Variants in MYT1 observed in about 807,000 individuals in gnomAD.
MYT1 encodes myelin transcription factor I.
In MYT1, 23 loss-of-function variants were observed where a neutral mutation model predicts 123.0. The observed-to-expected ratio is 0.19, with a 90% CI of 0.13 to 0.26. The LOEUF (loss-of-function observed/expected upper bound fraction) is 0.26. Among genes scored for constraint, MYT1 ranks in the 10% least tolerant of loss-of-function variants. MYT1 has a pLI of 1.00. For synonymous variants in MYT1, 518 were observed against 575.3 expected (o/e 0.90, Z 1.43); for missense variants, 1,125 against 1,472.5 (o/e 0.76, Z 3.86).
At chr20:64,228,983 A>C (rs997859680) in intron 18 of MYT1, among the ~76,000 whole-genome samples, 3 of 152,204 alleles carry the variant, frequency 2.0e-5, no homozygotes, top group Admixed American at 2.0e-4. Flanking sequence ...GGGAGGGGCA[A>C]CTTGGCCTGA....
intron 2 of MYT1, among the ~76,000 whole-genome samples, chr20:64,197,180 C>G (rs11699630): frequency 0.1 from 15,436 of 152,320 alleles, 1,029 homozygotes; most frequent in South Asian, 0.18. Flanking sequence ...GCTCCACAGC[C>G]TGGAGTCGGC....
Position 64,195,482 on chromosome 20 carries a change from A to G in MYT1, c.1-3380A>G, listed in dbSNP as rs548447334. Among the ~76,000 whole-genome samples, 9 of 136,718 alleles carry G rather than the reference A, an allele frequency of 6.6e-5. No homozygotes were observed. The East Asian group carries it at 1.8e-3, about 27-fold the overall frequency. 89.7% of individuals were successfully genotyped at this position (136,718 alleles called of 152,430 possible). A position where few individuals can be genotyped will look rare whatever the true frequency, so the allele number is the denominator to read the frequency against. The stretch of plus-strand genomic sequence containing the variant: ...GCAATCTCAGCTCACTGCAACCTCC[A>G]CCTCCTGGGTTCAAGTGATCCTCCT... On this transcript the variant is annotated intron_variant, in intron 2 of 22. Transcript: ENST00000328439.
intron 2 of MYT1, among the ~76,000 whole-genome samples, chr20:64,195,039 G>A (rs914052098): frequency 8.6e-5 from 13 of 152,046 alleles, no homozygotes; most frequent in Non-Finnish European, 1.9e-4. Context: ...GGGACTACAG[G>A]CGGCCGCCAC....
rs549497083 is a variant in MYT1 at position 64,203,448 on chromosome 20, C to T, written c.87-1587C>T. On this transcript the variant is annotated intron_variant, in intron 4 of 22. Coordinates refer to ENST00000328439, the MANE Select transcript of MYT1 (RefSeq NM_004535.3). This position sits in a 1 kb window ranked among gnomAD's most constrained non-coding sequence, Gnocchi z 5.1. ...AGGTGGGTGGCAGCGGCGGCAACTC[C>T]CTCAGTTTGGAAAGGGAGCCCCCAG... 6.6e-6 allele frequency among the ~76,000 whole-genome samples: 1 copy of T among 152,228 alleles called. No individual in the cohort carries two copies. The highest frequency in any genetic ancestry group is 2.4e-5 in the African/African-American group (1 of 41,520).
chr20:64,236,096 C>A (rs33999583), intron 19 of MYT1, among the ~76,000 whole-genome samples: 3 of 20,818 alleles, frequency 1.4e-4, no homozygotes, highest in African/African-American at 9.8e-4. Flanking sequence ...CCTGGGATGG[C>A]CGTGGTGGGT....
chr20:64,170,604 A>C (rs1982222885), intron 1 of MYT1, among the ~76,000 whole-genome samples: 1 of 151,960 alleles, frequency 6.6e-6, no homozygotes, highest in South Asian at 2.1e-4. Context: ...AAGTCCGCCT[A>C]GATAAAATGT....
intron 19 of MYT1, among the ~76,000 whole-genome samples, chr20:64,236,079 G>C (rs35828584): frequency 0.081 from 2,362 of 29,040 alleles, 341 homozygotes; most frequent in African/African-American, 0.27. Context: ...TGGCCGTGGT[G>C]GGTGACCCTG....
intron 1 of MYT1, among the ~76,000 whole-genome samples, chr20:64,188,778 G>C (rs1484035852): frequency 6.6e-6 from 1 of 152,340 alleles, no homozygotes; most frequent in African/African-American, 2.4e-5. Flanking sequence ...TTGGGTGATA[G>C]GGAAGCTCCC....
At chr20:64,205,880 G>T in intron 6 of MYT1, 80 bp downstream of exon 6, 1 of 1,560,992 alleles carries the variant, frequency 6.4e-7, no homozygotes, top group South Asian at 1.2e-5. Context: ...GCGGGGAGGG[G>T]CTCACTCCGG....
rs1983437949 is a variant in MYT1, at chr20:64,204,942, G to C, written c.87-93G>C. Reference sequence around the variant, plus strand: ...CAGCCATTCTGAGGTGAATCGTCTGGAGACATTCTGCTCCCCAGGGTGAAG... The same window carrying C: ...CAGCCATTCTGAGGTGAATCGTCTGCAGACATTCTGCTCCCCAGGGTGAAG... On this transcript the variant is annotated intron_variant, in intron 4 of 22. Coordinates refer to ENST00000328439, the MANE Select transcript of MYT1 (RefSeq NM_004535.3). 22 of 1,302,760 alleles carry C rather than the reference G, an allele frequency of 1.7e-5. No homozygotes were observed. In the East Asian group the frequency reaches 5.1e-4, roughly 30 times the overall value. 80.7% of individuals were successfully genotyped at this position (1,302,760 alleles called of 1,614,324 possible).
intron 1 of MYT1, among the ~76,000 whole-genome samples, chr20:64,170,880 TATATAGAGAGAG>T (rs1193382271): frequency 4.7e-4 from 23 of 49,098 alleles, no homozygotes; most frequent in South Asian, 8.5e-4. Context: ...TATATATATA[TATATAGAGAGAG>T]AGAGAGAGAG....
rs749189051 is a variant in MYT1, at chr20:64,227,382, G to A, written c.2529-33G>A. ...CTGGGCCGGGGCTAAACGCCTTCAC[G>A]GGCTCCCGTTCCAGTTCTGCTTCCC... On this transcript the variant is annotated intron_variant, in intron 16 of 22. Coordinates refer to ENST00000328439, the MANE Select transcript of MYT1 (RefSeq NM_004535.3). 65 of 1,608,770 alleles carry A rather than the reference G, an allele frequency of 4.0e-5. No individual in the cohort carries two copies. In the Middle Eastern group the frequency reaches 4.9e-4, roughly 12 times the overall value.
In MYT1 at chr20:64,186,464, T is replaced by G. The variant is rs140647108; in HGVS notation, c.-98-3599T>G. ...TGAAAACCTCCACTTCACTTCAGAT[T>G]CCTGACAAGAAAGGCCATGGTGATG... On this transcript the variant is annotated intron_variant, in intron 1 of 22. Coordinates refer to ENST00000328439, the MANE Select transcript of MYT1 (RefSeq NM_004535.3). The surrounding 1 kb of genome is among the most constrained non-coding windows in gnomAD (Gnocchi z 4.3). 1.2e-4 allele frequency among the ~76,000 whole-genome samples: 18 copies of G among 152,328 alleles called. No individual in the cohort carries two copies. Among genetic ancestry groups the G allele is most frequent in the African/African-American group, 3.6e-4 (15 of 41,578 alleles).
Position 64,193,514 on chromosome 20 carries a change from C to T in MYT1, c.-1+3354C>T, listed in dbSNP as rs529026886. On this transcript the variant is annotated intron_variant, in intron 2 of 22. Coordinates refer to ENST00000328439, the MANE Select transcript of MYT1 (RefSeq NM_004535.3). The surrounding 1 kb of genome is among the most constrained non-coding windows in gnomAD (Gnocchi z 4.0). ...CAGTGACAGGGAAGTTGATGCTGCC[C>T]TCAGTACATAAATGAGAGAAGAAAA... is the stretch of plus-strand genomic sequence containing the variant. Among the ~76,000 whole-genome samples, 134 of 152,250 alleles carry T rather than the reference C, an allele frequency of 8.8e-4. No individual in the cohort carries two copies. Among genetic ancestry groups the T allele is most frequent in the African/African-American group, 3.0e-3 (126 of 41,540 alleles).
In MYT1 at chr20:64,217,167, GAGA is replaced by G; in HGVS notation, c.1735_1737del (p.Lys579del). 6.2e-7 allele frequency: 1 copy of G among 1,614,268 alleles called. No individual in the cohort carries two copies. The highest frequency in any genetic ancestry group is 8.5e-7 in the Non-Finnish European group (1 of 1,180,058). ...CAGGGCCAACTTGGCCAAGGAGCTG[GAGA>G]AGTTCTCCAAGGTCACCTTTGACTA... On this transcript the variant is annotated inframe_deletion, in exon 11 of 23. Coordinates refer to ENST00000328439, the MANE Select transcript of MYT1 (RefSeq NM_004535.3).
chr20:64,234,188 G>A (rs1435779619), intron 19 of MYT1, among the ~76,000 whole-genome samples: 1 of 152,216 alleles, frequency 6.6e-6, no homozygotes, highest in Non-Finnish European at 1.5e-5. Context: ...GCTTGAGAAT[G>A]CACAATTGTA....
rs1464730627 is a variant in MYT1 at position 64,186,730 on chromosome 20, C to T, written c.-98-3333C>T. Among the ~76,000 whole-genome samples, 1 of 152,278 alleles carries T rather than the reference C, an allele frequency of 6.6e-6. No homozygotes were observed. Among genetic ancestry groups the T allele is most frequent in the African/African-American group, 2.4e-5 (1 of 41,480 alleles). ...CTTCTGGAAGGGCGTCTTTATGGAA[C>T]ACCTCCACGTTTCCGTGGAGAGATT... is the stretch of plus-strand genomic sequence containing the variant. On this transcript the variant is annotated intron_variant, in intron 1 of 22. Coordinates refer to ENST00000328439, the MANE Select transcript of MYT1 (RefSeq NM_004535.3). This position sits in a 1 kb window ranked among gnomAD's most constrained non-coding sequence, Gnocchi z 4.3.
chr20:64,170,924 GAGA>G (rs1569303895), intron 1 of MYT1, among the ~76,000 whole-genome samples: 15 of 138,228 alleles, frequency 1.1e-4, no homozygotes, highest in African/African-American at 3.6e-4. Flanking sequence ...GAGAGAGAGA[GAGA>G]GAGAGAGACG....
intron 16 of MYT1, among the ~76,000 whole-genome samples, chr20:64,224,263 C>G (rs940445656): frequency 1.3e-5 from 2 of 152,194 alleles, no homozygotes; most frequent in East Asian, 3.8e-4. Flanking sequence ...GTGTTGGGGG[C>G]CCTGAATCCA....
Sources: gnomAD v4.1 joint callset for allele counts (sites outside exome capture counted in the v4.1 genomes callset) on GRCh38, gnomAD v4.1.1 for gene constraint, Gnocchi (gnomAD v3.1) non-coding constraint, MANE v1.5 for transcripts, NCBI Gene and HGNC (gene_info 2026-07-23, HGNC 2026-07-21) for gene names.